CDYL: variants seen among roughly 807,000 people sequenced by gnomAD.
The protein encoded by CDYL is chromodomain Y like.
A neutral mutation model predicts 47.3 loss-of-function variants in CDYL; 8 were observed. The ratio of observed to expected loss-of-function variants is 0.17; its 90% CI spans 0.10 to 0.31. The LOEUF is 0.31. Among genes scored for constraint, CDYL ranks in the 10% least tolerant of loss-of-function variants. CDYL has a pLI of 1.00. For synonymous variants in CDYL, 266 were observed against 265.0 expected (o/e 1.00, Z -0.04); for missense variants, 471 against 701.4 (o/e 0.67, Z 3.71).
At chr6:4,933,425 A>G (rs1758090298) in intron 2 of CDYL, among the ~76,000 whole-genome samples, 1 of 152,166 alleles carries the variant, frequency 6.6e-6, no homozygotes, top group Non-Finnish European at 1.5e-5. Flanking sequence ...AGAGTCATCC[A>G]GCATCCATTT....
chr6:4,724,039 C>G (rs928977699), intron 2 of CDYL, among the ~76,000 whole-genome samples: 1 of 152,082 alleles, frequency 6.6e-6, no homozygotes, highest in Non-Finnish European at 1.5e-5. Flanking sequence ...CATCTGTCCC[C>G]TCACTTTTTG....
chr6:4,910,819 T>C (rs1757389507), intron 2 of CDYL, among the ~76,000 whole-genome samples: 2 of 151,594 alleles, frequency 1.3e-5, no homozygotes, highest in Non-Finnish European at 2.9e-5. Context: ...CTCTAGACCT[T>C]ACCTGAGAAA....
intron 1 of CDYL, among the ~76,000 whole-genome samples, chr6:4,853,020 C>G (rs1437920764): frequency 1.3e-5 from 2 of 152,058 alleles, no homozygotes; most frequent in Non-Finnish European, 2.9e-5. Flanking sequence ...GAACTCCTGG[C>G]CTCAAGTGGT....
chr6:4,928,237 A>C (rs78339542), intron 2 of CDYL, among the ~76,000 whole-genome samples: 8,873 of 152,194 alleles, frequency 0.058, 283 homozygotes, highest in Middle Eastern at 0.14. Context: ...GAATGGTGGC[A>C]TCCCACCACA....
intron 3 of CDYL, among the ~76,000 whole-genome samples, chr6:4,765,666 T>C (rs1758241877): frequency 6.6e-6 from 1 of 151,902 alleles, no homozygotes; most frequent in Non-Finnish European, 1.5e-5. Flanking sequence ...CAGGTTCAAG[T>C]GATTCTCTTG....
rs1047278089 is a variant in CDYL, at chr6:4,720,876, A to C, written c.103+4995A>C. Among the ~76,000 whole-genome samples, 6 of 152,350 alleles carry C rather than the reference A, an allele frequency of 3.9e-5. No homozygotes were observed. In the South Asian group the frequency reaches 8.3e-4, roughly 21 times the overall value. On this transcript the variant is annotated intron_variant, in intron 2 of 8. Transcript: ENST00000328908. ...TCCTAGGTAGCCTATTTACTAAAGC[A>C]GTATGATAGCTGTTAATATTATCAT...
At chr6:4,953,754 C>T (rs555840815) in intron 6 of CDYL, 144 bp from the exon 7 acceptor site, 4 of 726,892 alleles carry the variant, frequency 5.5e-6, no homozygotes, top group Admixed American at 5.6e-5. Context: ...ATGTTAGGCC[C>T]GACATATTGT....
chr6:4,729,787 G>A (rs1757573657), intron 2 of CDYL, among the ~76,000 whole-genome samples: 2 of 152,132 alleles, frequency 1.3e-5, no homozygotes, highest in Admixed American at 6.5e-5. Context: ...GCATGGTGGT[G>A]CATGTATGTG....
intron 2 of CDYL, among the ~76,000 whole-genome samples, chr6:4,914,616 T>C (rs1029542787): frequency 6.6e-6 from 1 of 152,188 alleles, no homozygotes; most frequent in Admixed American, 6.5e-5. Context: ...TTGTAATTGA[T>C]AGTTTATCCA....
At chr6:4,861,528 G>C (rs1331353900) in intron 1 of CDYL, among the ~76,000 whole-genome samples, 1 of 152,176 alleles carries the variant, frequency 6.6e-6, no homozygotes, top group Non-Finnish European at 1.5e-5. Context: ...AAGAAGTAGG[G>C]GGAAGAGACT....
intron 5 of CDYL, among the ~76,000 whole-genome samples, chr6:4,948,421 G>A (rs986615740): frequency 6.6e-6 from 1 of 152,154 alleles, no homozygotes; most frequent in South Asian, 2.1e-4. Flanking sequence ...CTGCCCTCTG[G>A]TCAGCCGTGT....
At chr6:4,820,587 C>G (rs113806904) in intron 1 of CDYL, among the ~76,000 whole-genome samples, 1 of 152,190 alleles carries the variant, frequency 6.6e-6, no homozygotes, top group Non-Finnish European at 1.5e-5. Context: ...ATCTTCACCA[C>G]AGCCCTCTCA....
intron 1 of CDYL, among the ~76,000 whole-genome samples, chr6:4,840,701 G>T (rs921412425): frequency 2.0e-5 from 3 of 152,070 alleles, no homozygotes; most frequent in African/African-American, 7.2e-5. Context: ...TGACAACATT[G>T]ACTTGCGTAT....
At chr6:4,758,974 T>C (rs1452231964) in intron 3 of CDYL, among the ~76,000 whole-genome samples, 1 of 148,772 alleles carries the variant, frequency 6.7e-6, no homozygotes, top group African/African-American at 2.5e-5. Context: ...TTTTCTTTTT[T>C]TTTTTTTTTT....
intron 1 of CDYL, among the ~76,000 whole-genome samples, chr6:4,706,408 T>C (rs114726049): frequency 0.012 from 1,809 of 152,258 alleles, 45 homozygotes; most frequent in African/African-American, 0.042. Flanking sequence ...CTGGGTTCTG[T>C]AACTTTAAGA....
intron 2 of CDYL, among the ~76,000 whole-genome samples, chr6:4,934,904 C>T (rs1581276685): frequency 6.6e-6 from 1 of 152,162 alleles, no homozygotes; most frequent in African/African-American, 2.4e-5. Flanking sequence ...AGCTGCTTAA[C>T]AGGGCTGTTT....
chr6:4,879,967 A>G (rs944334896), intron 1 of CDYL, among the ~76,000 whole-genome samples: 4 of 152,154 alleles, frequency 2.6e-5, no homozygotes, highest in Non-Finnish European at 4.4e-5. Context: ...CCCTACACAC[A>G]TACAGCCTCC....
chr6:4,900,779 GTATATATATATATATATATA>G lies in CDYL; in HGVS notation c.691+8432_691+8451del, dbSNP rs59594195. On this transcript the variant is annotated intron_variant, in intron 2 of 6. Coordinates refer to ENST00000397588, the MANE Select transcript of CDYL (RefSeq NM_004824.4). ...TCTTCTGTTAATTCCGTATACGTGTGTATATATATATATATATATATATATATATATATATATATATATAT... is the reference window on the plus strand; with the variant it reads ...TCTTCTGTTAATTCCGTATACGTGTGTATATATATATATATATATATATAT... 6.3e-3 allele frequency among the ~76,000 whole-genome samples: 326 copies of G among 51,716 alleles called. 55 individuals are homozygous for G. The highest frequency in any genetic ancestry group is 0.013 in the African/African-American group (201 of 15,880). The allele number at this position is 51,716 out of a possible 152,430, so 33.9% of individuals were successfully genotyped here. A position where few individuals can be genotyped will look rare whatever the true frequency, so the allele number is the denominator to read the frequency against.
chr6:4,716,575 T>C (rs1757268187), intron 2 of CDYL, among the ~76,000 whole-genome samples: 1 of 149,304 alleles, frequency 6.7e-6, no homozygotes, highest in South Asian at 2.1e-4. Flanking sequence ...TTTACAAGCG[T>C]CAGAGAAGGC....
Sources: allele counts gnomAD v4.1 joint callset (sites outside exome capture counted in the v4.1 genomes callset), GRCh38; gene constraint gnomAD v4.1.1; transcripts MANE v1.5; gene names NCBI Gene and HGNC (gene_info 2026-07-23, HGNC 2026-07-21).